Variants in CD99 observed in about 807,000 individuals in gnomAD.
The protein encoded by CD99 is CD99 molecule (Xg blood group).
In CD99, 19 loss-of-function variants were observed where a neutral mutation model predicts 28.4. That is an observed-to-expected ratio of 0.67 (90% confidence interval 0.47 to 0.98). The LOEUF is 0.98. Among genes scored for constraint, CD99 ranks in the 50% least tolerant of loss-of-function variants. The pLI is 0.00. For synonymous variants in CD99, 103 were observed against 92.1 expected (o/e 1.12, Z -0.67); for missense variants, 283 against 248.8 (o/e 1.14, Z -0.92).
chrX:2,700,103 G>A (rs1223161496), intron 1 of CD99, among the ~76,000 whole-genome samples: 14 of 152,176 alleles, frequency 9.2e-5, no homozygotes, highest in African/African-American at 2.9e-4. Context: ...AGGGGTTGCT[G>A]GGCTTGGGAG....
intron 8 of CD99, chrX:2,733,284 C>T: frequency 6.7e-7 from 1 of 1,493,060 alleles, no homozygotes; most frequent in Non-Finnish European, 9.1e-7. Context: ...CCCCAGCGCA[C>T]AGCAAAAGCA....
At chrX:2,721,696 A>G (rs769411633) in intron 5 of CD99, among the ~76,000 whole-genome samples, 1 of 152,180 alleles carries the variant, frequency 6.6e-6, no homozygotes, top group African/African-American at 2.4e-5. Context: ...GTCCATGAAC[A>G]TTTTTTCATG....
chrX:2,712,786 C>G (rs1569435636), intron 1 of CD99, among the ~76,000 whole-genome samples: 1 of 152,078 alleles, frequency 6.6e-6, no homozygotes, highest in East Asian at 1.9e-4. Context: ...TACACACACA[C>G]ACAGACATAC....
intron 8 of CD99, among the ~76,000 whole-genome samples, chrX:2,727,501 G>C (rs1288351247): frequency 6.6e-6 from 1 of 152,122 alleles, no homozygotes; most frequent in Non-Finnish European, 1.5e-5. Context: ...TCTTGAGACA[G>C]AGTTTCGCTC....
intron 1 of CD99, among the ~76,000 whole-genome samples, chrX:2,711,393 T>A (rs1480998449): frequency 7.3e-6 from 1 of 136,120 alleles, no homozygotes; most frequent in Non-Finnish European, 1.6e-5. Context: ...AGTATGTGTA[T>A]ATATAGTATG....
At chrX:2,733,457 C>T in intron 8 of CD99, 3 of 1,421,298 alleles carry the variant, frequency 2.1e-6, no homozygotes, top group Non-Finnish European at 1.9e-6. Context: ...TAAAGCAAAC[C>T]CTTCCATCTG....
At chrX:2,719,294 G>A (rs1354299548) in intron 3 of CD99, 2 of 259,818 alleles carry the variant, frequency 7.7e-6, no homozygotes, top group Non-Finnish European at 1.5e-5. Flanking sequence ...AGGATGATGG[G>A]ATGGGGAGTC....
At chrX:2,698,369 A>G (rs1361121453) in intron 1 of CD99, among the ~76,000 whole-genome samples, 9 of 152,004 alleles carry the variant, frequency 5.9e-5, no homozygotes, top group Non-Finnish European at 2.9e-5. Context: ...GAGTCTGACT[A>G]CATTGCCCAG....
chrX:2,716,164 A>G (rs931222598), intron 2 of CD99, among the ~76,000 whole-genome samples: 8 of 151,928 alleles, frequency 5.3e-5, no homozygotes, highest in Admixed American at 3.3e-4. Context: ...GATTACAGGC[A>G]TGCACCACCA....
chrX:2,705,170 G>A (rs748471986), intron 1 of CD99, among the ~76,000 whole-genome samples: 4 of 152,352 alleles, frequency 2.6e-5, no homozygotes, highest in African/African-American at 9.6e-5. Context: ...TCCATGGGGT[G>A]AACAGATTGC....
chrX:2,694,479 G>A (rs990667468), intron 1 of CD99, among the ~76,000 whole-genome samples: 1 of 149,542 alleles, frequency 6.7e-6, no homozygotes, highest in East Asian at 2.0e-4. Flanking sequence ...GGCCGAGCAC[G>A]GTGACTCAGG....
At position 2,741,145 on chromosome X, in the gene CD99, G is replaced by A. The variant is rs1363772150; in HGVS notation, c.*341G>A. On this transcript the variant is annotated 3_prime_UTR_variant, in exon 10 of 10. Transcript: ENST00000381192. ...CCCCCCGTCCCCCAGAATCTTGGCT[G>A]TTTACAAATCACGTGTCCATCGAGC... 6.2e-5 allele frequency: 22 copies of A among 352,686 alleles called. No individual in the cohort carries two copies. The highest frequency in any genetic ancestry group is 1.1e-4 in the Non-Finnish European group (22 of 194,630). The allele number at this position is 352,686 out of a possible 1,614,324, so 21.8% of individuals were successfully genotyped here.
At chrX:2,725,615 T>C (rs1013205806) in intron 7 of CD99, among the ~76,000 whole-genome samples, 1 of 145,532 alleles carries the variant, frequency 6.9e-6, no homozygotes, top group Non-Finnish European at 1.5e-5. Flanking sequence ...TCTTTCTTTT[T>C]TGTTTTGTTT....
chrX:2,719,444 G>A (rs1330377399), intron 3 of CD99: 4 of 612,658 alleles, frequency 6.5e-6, no homozygotes, highest in Non-Finnish European at 8.9e-6. Context: ...CTTTTTATCT[G>A]TCTCTGTCTC....
At chrX:2,723,780 G>A (rs1006881411) in intron 7 of CD99, among the ~76,000 whole-genome samples, 8 of 152,114 alleles carry the variant, frequency 5.3e-5, no homozygotes, top group African/African-American at 1.7e-4. Flanking sequence ...TTCCACCCTG[G>A]CTGTAACAGG....
chrX:2,701,346 T>G (rs2047853817), intron 1 of CD99, among the ~76,000 whole-genome samples: 2 of 152,250 alleles, frequency 1.3e-5, no homozygotes, highest in Admixed American at 6.5e-5. Flanking sequence ...AAGTTAAATG[T>G]ACTATTGGTG....
intron 1 of CD99, among the ~76,000 whole-genome samples, chrX:2,709,599 A>G (rs1438559562): frequency 6.6e-6 from 1 of 152,266 alleles, no homozygotes; most frequent in Non-Finnish European, 1.5e-5. Context: ...TACGTGCAGG[A>G]GCACACACGT....
At chrX:2,709,703 G>GACACACACATGCATGTACATAC (rs1569433013) in intron 1 of CD99, among the ~76,000 whole-genome samples, 1 of 152,110 alleles carries the variant, frequency 6.6e-6, no homozygotes, top group East Asian at 1.9e-4. Context: ...CATGAACATA[G>GACACACACATGCATGTACATAC]ACACACACAT....
chrX:2,692,723 C>T (rs568877946), intron 1 of CD99, among the ~76,000 whole-genome samples: 71 of 152,306 alleles, frequency 4.7e-4, no homozygotes, highest in East Asian at 3.5e-3. Context: ...AGGGTTTTAT[C>T]AGCTGCATTT....
Sources: allele counts gnomAD v4.1 joint callset (sites outside exome capture counted in the v4.1 genomes callset), GRCh38; gene constraint gnomAD v4.1.1; transcripts MANE v1.5; gene names NCBI Gene and HGNC (gene_info 2026-07-23, HGNC 2026-07-21).